The following NAV3 variants were observed in gnomAD, a reference collection of about 807,000 sequenced individuals.
NAV3 encodes the protein pore membrane and/or filament interacting like protein 1.
A neutral mutation model predicts 244.7 loss-of-function variants in NAV3; 87 were observed. That is an observed-to-expected ratio of 0.36 (90% CI 0.30 to 0.42). The LOEUF (loss-of-function observed/expected upper bound fraction) is 0.42, where lower values mean the gene tolerates loss of function less well. Ranked by LOEUF, NAV3 falls within the 20% of genes least tolerant of loss-of-function variation. The pLI is 1.00. For missense variants in NAV3, 2,663 were observed against 2,893.3 expected (o/e 0.92, Z 1.83); for synonymous variants, 1,126 against 1,042.2 (o/e 1.08, Z -1.55).
intron 34 of NAV3, among the ~76,000 whole-genome samples, chr12:78,193,574 C>G (rs1959073738): frequency 6.6e-6 from 1 of 152,100 alleles, no homozygotes; most frequent in Non-Finnish European, 1.5e-5. Flanking sequence ...TTTCCTTCTA[C>G]CTGACTAGAT....
intron 22 of NAV3, among the ~76,000 whole-genome samples, chr12:78,156,821 G>A (rs576947056): frequency 4.1e-4 from 63 of 151,914 alleles, no homozygotes; most frequent in African/African-American, 1.5e-3. Flanking sequence ...GACCATCATG[G>A]GCATATATAT....
intron 2 of NAV3, among the ~76,000 whole-genome samples, chr12:77,723,632 CTTG>C (rs1383802540): frequency 6.6e-6 from 1 of 151,902 alleles, no homozygotes; most frequent in Non-Finnish European, 1.5e-5. Context: ...CAGAGCCAAC[CTTG>C]TTTGCTTACT....
At chr12:78,037,289 A>T in intron 9 of NAV3, 1 of 702,996 alleles carries the variant, frequency 1.4e-6, no homozygotes, top group Non-Finnish European at 2.6e-6. Flanking sequence ...AAGAGGAGGG[A>T]GAAAGCTGTT....
At chr12:77,948,493 T>TA (rs1468737473) in intron 3 of NAV3, among the ~76,000 whole-genome samples, 2 of 151,968 alleles carry the variant, frequency 1.3e-5, no homozygotes, top group African/African-American at 2.4e-5. Flanking sequence ...GGCATATTTT[T>TA]ATCCTGATTT....
intron 3 of NAV3, among the ~76,000 whole-genome samples, chr12:77,964,470 C>T (rs996355910): frequency 2.0e-5 from 3 of 152,082 alleles, no homozygotes; most frequent in African/African-American, 2.4e-5. Context: ...AATTATTTGG[C>T]ATCTTTCTTT....
At chr12:78,075,370 A>G (rs572200897) in intron 12 of NAV3, among the ~76,000 whole-genome samples, 1 of 152,284 alleles carries the variant, frequency 6.6e-6, no homozygotes, top group East Asian at 1.9e-4. Flanking sequence ...TTACAAGAAT[A>G]GTTCTCTTTA....
At chr12:77,889,629 A>G (rs957300096) in intron 1 of NAV3, among the ~76,000 whole-genome samples, 2 of 152,214 alleles carry the variant, frequency 1.3e-5, no homozygotes, top group African/African-American at 2.4e-5. Context: ...TGTTGAACAT[A>G]AAATAAAGTA....
At chr12:77,894,821 A>T (rs1312638255) in intron 1 of NAV3, among the ~76,000 whole-genome samples, 1 of 152,140 alleles carries the variant, frequency 6.6e-6, no homozygotes, top group African/African-American at 2.4e-5. Flanking sequence ...GTGTAGACAG[A>T]TCTCATTTCT....
chr12:78,116,950 T>C (rs1955412709), intron 13 of NAV3, 46 bp downstream of exon 13: 3 of 1,600,966 alleles, frequency 1.9e-6, no homozygotes, highest in African/African-American at 2.7e-5. Flanking sequence ...GCCAGCTTTT[T>C]CCCCAAAATT....
At chr12:77,758,053 T>G (rs1351787703) in intron 2 of NAV3, among the ~76,000 whole-genome samples, 1 of 152,182 alleles carries the variant, frequency 6.6e-6, no homozygotes, top group Non-Finnish European at 1.5e-5. Context: ...CAAAGCACAC[T>G]CCAGGCTTGG....
chr12:77,737,185 T>C (rs1382812854), intron 2 of NAV3, among the ~76,000 whole-genome samples: 1 of 149,964 alleles, frequency 6.7e-6, no homozygotes, highest in African/African-American at 2.5e-5. Flanking sequence ...GGTAGAACTA[T>C]GTAGGAGTCA....
chr12:77,996,834 G>T (rs1215909471), intron 6 of NAV3, among the ~76,000 whole-genome samples: 1 of 152,050 alleles, frequency 6.6e-6, no homozygotes, highest in African/African-American at 2.4e-5. Context: ...TTGAATTCTT[G>T]TTTTCCTTTC....
At chr12:77,891,636 G>C (rs372033199) in intron 1 of NAV3, among the ~76,000 whole-genome samples, 2 of 152,134 alleles carry the variant, frequency 1.3e-5, no homozygotes, top group South Asian at 4.2e-4. Flanking sequence ...AAATGTACTC[G>C]GTCATAGAAA....
intron 32 of NAV3, 100 bp downstream of exon 32, chr12:78,188,443 C>T (rs1185709293): frequency 1.8e-5 from 22 of 1,203,746 alleles, no homozygotes; most frequent in Non-Finnish European, 1.9e-5. Flanking sequence ...TTTTCCTCTC[C>T]TCAAATAAGG....
intron 9 of NAV3, among the ~76,000 whole-genome samples, chr12:78,028,286 G>A (rs1054080313): frequency 5.3e-5 from 8 of 152,028 alleles, no homozygotes; most frequent in Non-Finnish European, 1.2e-4. Context: ...ACAATGAACT[G>A]GCAATTGAAG....
intron 3 of NAV3, chr12:77,947,524 C>A (rs1890472015): frequency 6.6e-6 from 1 of 151,102 alleles, no homozygotes; most frequent in Non-Finnish European, 1.5e-5. Context: ...TGGCATACTG[C>A]AAAATTGTAG....
rs537856352 is a variant in NAV3, at chr12:77,793,208, A to G, written c.73-147111A>G. ...GAAAAAAGCAGTATAGTTATAAAAA[A>G]TTGGGCAATGTTACATTGAGATCAG... On this transcript the variant is annotated intron_variant, in intron 2 of 8. Coordinates refer to the NAV3 transcript ENST00000550042. Among the ~76,000 whole-genome samples the G allele has an allele frequency of 1.1e-4, 17 of 152,348 alleles. No individual in the cohort carries two copies. The East Asian group carries it at 3.3e-3, about 29-fold the overall frequency.
Position 78,116,798 on chromosome 12 carries a change from G to A in NAV3, c.2663G>A (p.Ser888Asn), listed in dbSNP as rs767308596. ...DSWDDSSSVS[S>N]GLSDTLDNIS... ...TGGGATGACAGCAGTTCAGTGAGCA[G>A]TGGTCTCAGTGACACCCTTGATAAC... The change falls in exon 13 of 40, where the codon AGT (serine) becomes AAT (asparagine). Residue 888 changes from serine (S) to asparagine (N), a missense_variant. Ser to Asn is a conservative substitution (Grantham distance 46). Coordinates refer to ENST00000397909, the MANE Select transcript of NAV3 (RefSeq NM_001024383.2). 2 of 1,604,932 alleles carry A rather than the reference G, an allele frequency of 1.2e-6. No individual in the cohort carries two copies. Among genetic ancestry groups the A allele is most frequent in the South Asian group, 2.2e-5 (2 of 89,816 alleles).
chr12:77,769,318 T>C (rs1218895339), intron 2 of NAV3, among the ~76,000 whole-genome samples: 1 of 152,198 alleles, frequency 6.6e-6, no homozygotes, highest in Non-Finnish European at 1.5e-5. Context: ...TCAAATATAA[T>C]TTCTAGTATA....
Sources: allele counts gnomAD v4.1 joint callset (sites outside exome capture counted in the v4.1 genomes callset), GRCh38; gene constraint gnomAD v4.1.1; transcripts MANE v1.5; gene names NCBI Gene and HGNC (gene_info 2026-07-23, HGNC 2026-07-21).